Variants in PBX1 observed in about 807,000 individuals in gnomAD.
The protein encoded by PBX1 is PBX homeobox 1.
A neutral mutation model predicts 53.4 loss-of-function variants in PBX1; 6 were observed. The ratio of observed to expected loss-of-function variants is 0.11; its 90% CI spans 0.06 to 0.22. The LOEUF (loss-of-function observed/expected upper bound fraction) is 0.22, where lower values mean the gene tolerates loss of function less well. Ranked by LOEUF, PBX1 falls within the 10% of genes least tolerant of loss-of-function variation. The pLI is 1.00. For missense variants in PBX1, 251 were observed against 551.4 expected, an observed-to-expected ratio of 0.46 and a Z score of 5.46; for synonymous variants, 204 against 212.3, an observed-to-expected ratio of 0.96 and a Z score of 0.34.
At chr1:164,754,524 C>T (rs567808467) in intron 2 of PBX1, among the ~76,000 whole-genome samples, 2 of 152,322 alleles carry the variant, frequency 1.3e-5, no homozygotes, top group East Asian at 1.9e-4. Context: ...ACACGTAAAA[C>T]TGGCATCAAC....
At chr1:164,721,132 G>A (rs1365568030) in intron 2 of PBX1, among the ~76,000 whole-genome samples, 1 of 152,192 alleles carries the variant, frequency 6.6e-6, no homozygotes, top group East Asian at 1.9e-4. Context: ...AAGCATTCTA[G>A]GGTTCATCGG....
At chr1:164,679,567 GATC>G (rs1661631825) in intron 2 of PBX1, among the ~76,000 whole-genome samples, 1 of 152,142 alleles carries the variant, frequency 6.6e-6, no homozygotes, top group African/African-American at 2.4e-5. Flanking sequence ...CACAATCTGA[GATC>G]ATCAGATTGT....
At chr1:164,671,375 G>T (rs539728626) in intron 2 of PBX1, among the ~76,000 whole-genome samples, 1 of 152,148 alleles carries the variant, frequency 6.6e-6, no homozygotes, top group Non-Finnish European at 1.5e-5. Flanking sequence ...CTGATTAGCC[G>T]TGTGAGGTGG....
rs77627887 is a variant in PBX1, at chr1:164,725,100, C to G, written c.266-67394C>G. 1.5e-3 allele frequency among the ~76,000 whole-genome samples: 229 copies of G among 152,028 alleles called. 1 individual carries two copies. The highest frequency in any genetic ancestry group is 2.1e-3 in the Non-Finnish European group (143 of 67,980). ...TAAGCTCCTAAGCAGGCAGCTTGAA[C>G]CCCCCACCCCCTTCCTGCATCCAGT... On this transcript the variant is annotated intron_variant, in intron 2 of 8. Coordinates refer to ENST00000420696, the MANE Select transcript of PBX1 (RefSeq NM_002585.4).
intron 2 of PBX1, among the ~76,000 whole-genome samples, chr1:164,575,944 G>C (rs1382885930): frequency 6.6e-6 from 1 of 151,962 alleles, no homozygotes; most frequent in Admixed American, 6.6e-5. Flanking sequence ...CATCGTGTGA[G>C]GAATAAATTA....
intron 2 of PBX1, among the ~76,000 whole-genome samples, chr1:164,686,428 C>CA (rs1164611672): frequency 6.6e-6 from 1 of 151,782 alleles, no homozygotes; most frequent in African/African-American, 2.4e-5. Context: ...GGGAATCAAA[C>CA]AGAGTGAAAA....
chr1:164,653,114 G>A (rs1473654882), intron 2 of PBX1, among the ~76,000 whole-genome samples: 12 of 152,044 alleles, frequency 7.9e-5, no homozygotes, highest in African/African-American at 2.7e-4. Context: ...TGATCTGCCC[G>A]CCTCAGCCTC....
chr1:164,682,079 G>A (rs1661807637), intron 2 of PBX1: 1 of 152,164 alleles, frequency 6.6e-6, no homozygotes, highest in East Asian at 1.9e-4. Context: ...TTGTTAAAAT[G>A]CCATTTACAT....
chr1:164,593,101 G>A (rs971644481), intron 2 of PBX1, among the ~76,000 whole-genome samples: 1 of 152,036 alleles, frequency 6.6e-6, no homozygotes, highest in African/African-American at 2.4e-5. Context: ...GGCATTACAG[G>A]TGTGTGCCAC....
chr1:164,592,884 C>A (rs927915481), intron 2 of PBX1, among the ~76,000 whole-genome samples: 1 of 152,172 alleles, frequency 6.6e-6, no homozygotes, highest in Non-Finnish European at 1.5e-5. Flanking sequence ...GCTGCTCTCT[C>A]TCCTTCCCCA....
chr1:164,707,324 A>G (rs1170850481), intron 2 of PBX1, among the ~76,000 whole-genome samples: 1 of 151,796 alleles, frequency 6.6e-6, no homozygotes, highest in Non-Finnish European at 1.5e-5. Context: ...TGAGTAAGCC[A>G]GGGGTAGGGC....
At chr1:164,783,866 G>A (rs1484465018) in intron 2 of PBX1, among the ~76,000 whole-genome samples, 2 of 152,166 alleles carry the variant, frequency 1.3e-5, no homozygotes, top group East Asian at 1.9e-4. Context: ...AATGTGCTAG[G>A]TGCCTCACTG....
At chr1:164,597,398 A>G (rs1655843721) in intron 2 of PBX1, among the ~76,000 whole-genome samples, 1 of 152,222 alleles carries the variant, frequency 6.6e-6, no homozygotes, top group Non-Finnish European at 1.5e-5. Context: ...TGACACTTGG[A>G]AAATATAACA....
chr1:164,770,259 T>C (rs1667296367), intron 2 of PBX1: 1 of 152,206 alleles, frequency 6.6e-6, no homozygotes, highest in African/African-American at 2.4e-5. Context: ...CTGCTCTTTA[T>C]AGATAAAGTT....
chr1:164,662,430 T>C (rs1660542589), intron 2 of PBX1, among the ~76,000 whole-genome samples: 1 of 152,172 alleles, frequency 6.6e-6, no homozygotes, highest in Admixed American at 6.5e-5. Flanking sequence ...ATAGGATTTT[T>C]GCAGAATACC....
chr1:164,647,346 G>A (rs1334568402), intron 2 of PBX1, among the ~76,000 whole-genome samples: 4 of 152,196 alleles, frequency 2.6e-5, no homozygotes, highest in South Asian at 4.2e-4. Context: ...ACGGCAGTCC[G>A]GACCCCAGAG....
intron 2 of PBX1, among the ~76,000 whole-genome samples, chr1:164,598,875 G>GA (rs1198462039): frequency 6.6e-6 from 1 of 152,076 alleles, no homozygotes; most frequent in African/African-American, 2.4e-5. Context: ...GAAGGGGAGG[G>GA]ATCATTATCC....
chr1:164,697,905 G>T (rs908758193), intron 2 of PBX1, among the ~76,000 whole-genome samples: 2 of 152,168 alleles, frequency 1.3e-5, no homozygotes, highest in African/African-American at 2.4e-5. Flanking sequence ...AAGAAGAGAC[G>T]TATCAGGAAC....
chr1:164,835,861 A>G (rs1229498445), intron 8 of PBX1, among the ~76,000 whole-genome samples: 2 of 152,212 alleles, frequency 1.3e-5, no homozygotes, highest in Non-Finnish European at 2.9e-5. Flanking sequence ...TGATCTTAAA[A>G]TAAATAAATT....
Sources: gnomAD v4.1 joint callset for allele counts (sites outside exome capture counted in the v4.1 genomes callset) on GRCh38, gnomAD v4.1.1 for gene constraint, MANE v1.5 for transcripts, NCBI Gene and HGNC (gene_info 2026-07-23, HGNC 2026-07-21) for gene names.